The following RIMS2 variants were observed in gnomAD, a reference collection of about 807,000 sequenced individuals.
The protein encoded by RIMS2 is regulating synaptic membrane exocytosis protein 2.
Under a neutral mutation model 174.4 loss-of-function variants are expected in RIMS2, and 59 were observed. That is an observed-to-expected ratio of 0.34 (90% CI 0.27 to 0.42). The LOEUF (loss-of-function observed/expected upper bound fraction) is 0.42. Ranked by LOEUF, RIMS2 falls within the 10% of genes least tolerant of loss-of-function variation. The probability of loss-of-function intolerance (pLI) is 1.00; values close to 1 mark genes in which losing one functional copy is unlikely to be tolerated. For synonymous variants in RIMS2, 606 were observed against 572.5 expected, an observed-to-expected ratio of 1.06 and a Z score of -0.84; for missense variants, 1,620 against 1,666.3, an observed-to-expected ratio of 0.97 and a Z score of 0.48.
At chr8:103,530,960 T>C (rs2130890421) in intron 1 of RIMS2, among the ~76,000 whole-genome samples, 1 of 151,698 alleles carries the variant, frequency 6.6e-6, no homozygotes, top group Non-Finnish European at 1.5e-5. Context: ...TTTCTGTCTG[T>C]ATGTTATACT....
intron 3 of RIMS2, among the ~76,000 whole-genome samples, chr8:103,879,482 T>A (rs1251856223): frequency 2.6e-5 from 4 of 151,628 alleles, no homozygotes; most frequent in African/African-American, 7.3e-5. Flanking sequence ...TGGTTTTACA[T>A]TCCTATGAAA....
chr8:103,530,819 G>A (rs1836700411), intron 1 of RIMS2, among the ~76,000 whole-genome samples: 1 of 151,926 alleles, frequency 6.6e-6, no homozygotes, highest in African/African-American at 2.4e-5. Context: ...GATCTATGGT[G>A]TTAGAAATCA....
At chr8:103,591,482 T>C (rs2094255029) in intron 1 of RIMS2, among the ~76,000 whole-genome samples, 1 of 151,260 alleles carries the variant, frequency 6.6e-6, no homozygotes, top group Non-Finnish European at 1.5e-5. Flanking sequence ...AGAATACCTT[T>C]GTTTACCTCT....
intron 16 of RIMS2, among the ~76,000 whole-genome samples, chr8:103,988,489 C>T (rs111302326): frequency 0.03 from 4,580 of 152,082 alleles, 211 homozygotes; most frequent in African/African-American, 0.1. Context: ...GATGGAGTTT[C>T]GCTCTTGTTG....
chr8:103,876,088 C>A (rs2099135276), intron 3 of RIMS2, among the ~76,000 whole-genome samples: 1 of 151,902 alleles, frequency 6.6e-6, no homozygotes, highest in Non-Finnish European at 1.5e-5. Flanking sequence ...ATTTATTTTG[C>A]TGTGCAGAAG....
downstream of RIMS2, chr8:104,255,949 A>G (rs1433054957): frequency 6.6e-6 from 1 of 152,206 alleles, no homozygotes; most frequent in Non-Finnish European, 1.5e-5. Flanking sequence ...CCTCACCTGG[A>G]AAATATGGAG....
chr8:103,738,064 G>C (rs556455074), intron 2 of RIMS2, among the ~76,000 whole-genome samples: 3 of 151,976 alleles, frequency 2.0e-5, no homozygotes, highest in Non-Finnish European at 4.4e-5. Context: ...AGTAGCATAG[G>C]GCTTGGTACA....
intron 17 of RIMS2, among the ~76,000 whole-genome samples, chr8:103,992,400 A>G (rs146850854): frequency 0.064 from 9,513 of 149,416 alleles, 386 homozygotes; most frequent in Middle Eastern, 0.11. Context: ...TGCTGGGATT[A>G]CAGGCATGAG....
chr8:103,592,203 T>C (rs1175816836), intron 1 of RIMS2, among the ~76,000 whole-genome samples: 2 of 151,280 alleles, frequency 1.3e-5, no homozygotes, highest in Non-Finnish European at 3.0e-5. Flanking sequence ...CACAATTTTC[T>C]TTCTGTTATT....
chr8:103,759,768 G>A (rs13273331), intron 2 of RIMS2, among the ~76,000 whole-genome samples: 34,871 of 151,866 alleles, frequency 0.23, 4,287 homozygotes, highest in Non-Finnish European at 0.25. Flanking sequence ...GGAATAGAGG[G>A]TCATTCAGGG....
chr8:103,789,138 G>A (rs565098734), intron 3 of RIMS2, among the ~76,000 whole-genome samples: 3 of 152,206 alleles, frequency 2.0e-5, no homozygotes, highest in East Asian at 1.9e-4. Context: ...GCTCGTGCAC[G>A]GTGCGCGCAC....
intron 5 of RIMS2, among the ~76,000 whole-genome samples, chr8:103,911,642 G>A (rs2075691447): frequency 6.6e-6 from 1 of 152,086 alleles, no homozygotes; most frequent in Non-Finnish European, 1.5e-5. Context: ...AAAAGTGTTT[G>A]AAGAGGAAAT....
chr8:104,239,357 G>C (rs1157428603), intron 19 of RIMS2, among the ~76,000 whole-genome samples: 2 of 152,098 alleles, frequency 1.3e-5, no homozygotes, highest in African/African-American at 4.8e-5. Context: ...CCTTCTGCCT[G>C]TGATGTTTTG....
At chr8:103,561,827 AAG>A (rs1190535446) in intron 1 of RIMS2, among the ~76,000 whole-genome samples, 2 of 152,190 alleles carry the variant, frequency 1.3e-5, no homozygotes, top group Non-Finnish European at 2.9e-5. Flanking sequence ...CAATTTACAA[AAG>A]AGAGGTTTAA....
intron 1 of RIMS2, among the ~76,000 whole-genome samples, chr8:103,540,404 C>T (rs775139339): frequency 6.6e-5 from 10 of 152,178 alleles, no homozygotes; most frequent in South Asian, 2.1e-4. Flanking sequence ...TCATCAACAC[C>T]GACCTCAGCT....
At chr8:103,547,523 A>C (rs976683804) in intron 1 of RIMS2, among the ~76,000 whole-genome samples, 1 of 152,222 alleles carries the variant, frequency 6.6e-6, no homozygotes, top group African/African-American at 2.4e-5. Context: ...TTAAGAGGGA[A>C]GTTTGTAGTG....
chr8:104,094,527 A>G (rs2097721222), intron 19 of RIMS2: 1 of 701,488 alleles, frequency 1.4e-6, no homozygotes, highest in Non-Finnish European at 2.6e-6. Context: ...GCATGAAGAG[A>G]TAGTTCATGA....
intron 19 of RIMS2, among the ~76,000 whole-genome samples, chr8:104,125,674 T>G (rs1476473885): frequency 6.6e-6 from 1 of 152,168 alleles, no homozygotes; most frequent in Non-Finnish European, 1.5e-5. Context: ...GATGACCAAC[T>G]TATACCATGA....
chr8:103,888,506 T>C (rs1328569849), intron 4 of RIMS2, among the ~76,000 whole-genome samples: 2 of 151,504 alleles, frequency 1.3e-5, no homozygotes, highest in African/African-American at 4.8e-5. Context: ...AAAAAGATAG[T>C]TTTGTTATCT....
Sources: allele counts gnomAD v4.1 joint callset (sites outside exome capture counted in the v4.1 genomes callset), GRCh38; gene constraint gnomAD v4.1.1; transcripts MANE v1.5; gene names NCBI Gene and HGNC (gene_info 2026-07-23, HGNC 2026-07-21).